GPHN: variants seen among roughly 807,000 people sequenced by gnomAD.
GPHN encodes gephyrin.
Under a neutral mutation model 95.5 loss-of-function variants are expected in GPHN, and 17 were observed. The observed-to-expected ratio is 0.18, with a 90% CI of 0.12 to 0.27. The LOEUF (loss-of-function observed/expected upper bound fraction) is 0.27, where lower values mean the gene tolerates loss of function less well. Ranked by LOEUF, GPHN falls within the 10% of genes least tolerant of loss-of-function variation. The pLI is 1.00. For synonymous variants in GPHN, 320 were observed against 322.5 expected (o/e 0.99, Z 0.08); for missense variants, 660 against 978.1 (o/e 0.67, Z 4.34).
the GPHN span, among the ~76,000 whole-genome samples, chr14:67,361,596 A>G: frequency 6.6e-6 from 1 of 152,236 alleles, no homozygotes; most frequent in African/African-American, 2.4e-5. Context: ...TTCTATATCC[A>G]TTATAGCAGT....
the GPHN span, among the ~76,000 whole-genome samples, chr14:67,564,589 C>G: frequency 1.3e-5 from 2 of 152,208 alleles, no homozygotes; most frequent in East Asian, 3.9e-4. Context: ...TTCTAAGTAG[C>G]TGGGACTACA....
the GPHN span, among the ~76,000 whole-genome samples, chr14:67,220,444 GA>G: frequency 0.036 from 4,973 of 137,318 alleles, 98 homozygotes; most frequent in Middle Eastern, 0.041. Context: ...CTTTTCTCAG[GA>G]AAAAAAAAAA....
At chr14:67,340,608 C>A in the GPHN span, 1 of 1,119,588 alleles carries the variant, frequency 8.9e-7, no homozygotes, top group South Asian at 1.3e-5. Flanking sequence ...TTATTTTTTC[C>A]TAATTGTAAA....
At chr14:66,802,743 G>A (rs1359275190) in intron 3 of GPHN, among the ~76,000 whole-genome samples, 1 of 152,152 alleles carries the variant, frequency 6.6e-6, no homozygotes, top group African/African-American at 2.4e-5. Context: ...GTATCTAGAA[G>A]TGTCCAGGAG....
chr14:67,106,762 T>C (rs564004022), intron 13 of GPHN, among the ~76,000 whole-genome samples: 1 of 152,348 alleles, frequency 6.6e-6, no homozygotes, highest in East Asian at 1.9e-4. Context: ...TTGTTTTTGT[T>C]TTATCTAATT....
At chr14:66,719,714 T>C (rs1478095501) in intron 2 of GPHN, among the ~76,000 whole-genome samples, 4 of 152,170 alleles carry the variant, frequency 2.6e-5, no homozygotes, top group Admixed American at 6.5e-5. Flanking sequence ...TATATTCCCA[T>C]GTCATGGTGA....
chr14:67,646,836 CAACA>C, the GPHN span: 20 of 1,399,002 alleles, frequency 1.4e-5, no homozygotes, highest in Non-Finnish European at 2.0e-5. Flanking sequence ...CAGGTCACTA[CAACA>C]AACCCACCCT....
intron 3 of GPHN, among the ~76,000 whole-genome samples, chr14:66,824,044 T>A (rs1020626232): frequency 2.0e-5 from 3 of 152,180 alleles, no homozygotes; most frequent in African/African-American, 7.2e-5. Flanking sequence ...TTTAAGCACA[T>A]TGTACTTCAG....
the GPHN span, among the ~76,000 whole-genome samples, chr14:67,322,633 T>C: frequency 6.6e-6 from 1 of 152,200 alleles, no homozygotes; most frequent in Non-Finnish European, 1.5e-5. Context: ...CTATTTCAAT[T>C]ATAAATTTTT....
At chr14:67,111,242 T>G (rs1248393639) in intron 14 of GPHN, among the ~76,000 whole-genome samples, 1 of 152,196 alleles carries the variant, frequency 6.6e-6, no homozygotes, top group Admixed American at 6.5e-5. Context: ...GCAGATTTAT[T>G]GGCATCAGGG....
chr14:67,490,003 A>G, the GPHN span, among the ~76,000 whole-genome samples: 1 of 152,136 alleles, frequency 6.6e-6, no homozygotes, highest in Non-Finnish European at 1.5e-5. Context: ...AAAAAAAAAA[A>G]AATTCTGTCT....
At chr14:66,986,922 G>A (rs777468121) in intron 9 of GPHN, among the ~76,000 whole-genome samples, 31 of 152,136 alleles carry the variant, frequency 2.0e-4, no homozygotes, top group Non-Finnish European at 1.9e-4. Flanking sequence ...GTGTGCGCAC[G>A]CACATGAGTG....
intron 8 of GPHN, among the ~76,000 whole-genome samples, chr14:66,963,907 C>G (rs774777138): frequency 1.1e-4 from 17 of 152,112 alleles, no homozygotes; most frequent in Non-Finnish European, 2.9e-5. Context: ...ACCTTGTAGT[C>G]ACAAAGTCTG....
At chr14:67,626,836 TGA>T in the GPHN span, among the ~76,000 whole-genome samples, 2 of 152,208 alleles carry the variant, frequency 1.3e-5, no homozygotes, top group South Asian at 4.1e-4. Context: ...GTACATTAAT[TGA>T]ATAGGGGAGG....
intron 18 of GPHN, among the ~76,000 whole-genome samples, chr14:67,145,869 A>G (rs72715400): frequency 0.054 from 8,210 of 152,290 alleles, 229 homozygotes; most frequent in Middle Eastern, 0.068. Context: ...CATTTAAATT[A>G]TACTCTAAGT....
the GPHN span, chr14:67,382,737 C>G: frequency 2.4e-6 from 2 of 841,316 alleles, no homozygotes; most frequent in Middle Eastern, 3.7e-4. Context: ...AGGGTCACCC[C>G]CCGTCCCCAG....
chr14:67,544,398 G>A, the GPHN span, among the ~76,000 whole-genome samples: 1 of 152,118 alleles, frequency 6.6e-6, no homozygotes, highest in Non-Finnish European at 1.5e-5. Context: ...CCTCTCTGGA[G>A]ACACAAGACC....
the GPHN span, among the ~76,000 whole-genome samples, chr14:67,578,908 CTGT>C: frequency 1.4e-4 from 22 of 152,214 alleles, no homozygotes; most frequent in Non-Finnish European, 2.6e-4. This position sits in a 1 kb window ranked among gnomAD's most constrained non-coding sequence, Gnocchi z 5.0. Flanking sequence ...AAGTGCTATT[CTGT>C]TGTTATGTCC....
rs1469216028 is a variant in GPHN, at chr14:66,511,001, G to C, written c.64+2410G>C. 3.3e-5 allele frequency among the ~76,000 whole-genome samples: 5 copies of C among 152,308 alleles called. No individual in the cohort carries two copies. In the East Asian group the frequency reaches 9.6e-4, roughly 29 times the overall value. ...TACAGATTTGGAATAAGTGATAATA[G>C]AGGAAAATAGGTTTTGATGATAACA... is the stretch of plus-strand genomic sequence containing the variant. On this transcript the variant is annotated intron_variant, in intron 1 of 22. Transcript: ENST00000478722.
Sources: gnomAD v4.1 joint callset for allele counts (sites outside exome capture counted in the v4.1 genomes callset) on GRCh38, gnomAD v4.1.1 for gene constraint, Gnocchi (gnomAD v3.1) non-coding constraint, MANE v1.5 for transcripts, NCBI Gene and HGNC (gene_info 2026-07-23, HGNC 2026-07-21) for gene names.